TBC1D22A: variants seen among roughly 807,000 people sequenced by gnomAD.
The protein encoded by TBC1D22A is putative GTPase activator.
Under a neutral mutation model 60.2 loss-of-function variants are expected in TBC1D22A, and 38 were observed. The observed-to-expected ratio is 0.63, with a 90% CI of 0.49 to 0.83. The LOEUF (loss-of-function observed/expected upper bound fraction) is 0.83, where lower values mean the gene tolerates loss of function less well. Among genes scored for constraint, TBC1D22A ranks in the 40% least tolerant of loss-of-function variants. The pLI is 0.00. For synonymous variants in TBC1D22A, 302 were observed against 281.7 expected, an observed-to-expected ratio of 1.07 and a Z score of -0.72; for missense variants, 628 against 701.0, an observed-to-expected ratio of 0.90 and a Z score of 1.18.
Position 47,117,259 on chromosome 22 carries a change from C to T in TBC1D22A, c.1425+5656C>T, listed in dbSNP as rs573965563. On this transcript the variant is annotated intron_variant, in intron 12 of 12. Transcript: ENST00000337137. ...GAGGAAGCAGGAAAAATTGTGTCCT[C>T]GGATTTCAAGAAGAAAACACTGGGT... 364 of 164,372 alleles carry T rather than the reference C, an allele frequency of 2.2e-3. 1 individual carries two copies. Among genetic ancestry groups the T allele is most frequent in the African/African-American group, 8.3e-3 (343 of 41,552 alleles). The allele number at this position is 164,372 out of a possible 1,614,324, so 10.2% of individuals were successfully genotyped here. A position where few individuals can be genotyped will look rare whatever the true frequency, so the allele number is the denominator to read the frequency against.
At chr22:46,841,587 C>G (rs1279780198) in intron 4 of TBC1D22A, among the ~76,000 whole-genome samples, 1 of 152,188 alleles carries the variant, frequency 6.6e-6, no homozygotes, top group African/African-American at 2.4e-5. Flanking sequence ...TGGAATTAGC[C>G]AGACCCAGAA....
chr22:47,023,111 A>T lies in TBC1D22A; in HGVS notation c.1202-13960A>T, dbSNP rs1226005235. On this transcript the variant is annotated intron_variant, in intron 10 of 12. Transcript: ENST00000337137. Reference sequence around the variant, plus strand: ...AGGCAGAGTCATTAAAGCAGGTATTATAACTGTATTTCATATGTTAAAAAT... The same window carrying T: ...AGGCAGAGTCATTAAAGCAGGTATTTTAACTGTATTTCATATGTTAAAAAT... Among the ~76,000 whole-genome samples, 5 of 152,238 alleles carry T rather than the reference A, an allele frequency of 3.3e-5. No homozygotes were observed. In the East Asian group the frequency reaches 7.7e-4, roughly 23 times the overall value.
At chr22:46,767,288 C>T (rs2083321477) in intron 1 of TBC1D22A, among the ~76,000 whole-genome samples, 1 of 152,182 alleles carries the variant, frequency 6.6e-6, no homozygotes, top group African/African-American at 2.4e-5. Context: ...CAAGTTACCT[C>T]TGGGGCCATC....
At chr22:46,805,377 G>T (rs76453446) in intron 4 of TBC1D22A, among the ~76,000 whole-genome samples, 6 of 152,210 alleles carry the variant, frequency 3.9e-5, no homozygotes. Flanking sequence ...AAAAGCAGAC[G>T]CAAGGACTTT....
intron 12 of TBC1D22A, among the ~76,000 whole-genome samples, chr22:47,139,005 C>G (rs1371814935): frequency 6.6e-6 from 1 of 152,208 alleles, no homozygotes; most frequent in Non-Finnish European, 1.5e-5. Flanking sequence ...CCAGCCGTAG[C>G]ACGTTATTTG....
chr22:46,841,599 A>T (rs1043076380), intron 4 of TBC1D22A, among the ~76,000 whole-genome samples: 1 of 152,246 alleles, frequency 6.6e-6, no homozygotes, highest in Non-Finnish European at 1.5e-5. Flanking sequence ...GACCCAGAAG[A>T]TATTCATCAT....
At chr22:47,121,950 G>C (rs752016096) in intron 12 of TBC1D22A, among the ~76,000 whole-genome samples, 1 of 152,130 alleles carries the variant, frequency 6.6e-6, no homozygotes, top group Non-Finnish European at 1.5e-5. Context: ...TGTCCCCACC[G>C]CATCCAGCCT....
Position 47,133,999 on chromosome 22 carries a change from C to T in TBC1D22A, c.1425+22396C>T, listed in dbSNP as rs75229691. Among the ~76,000 whole-genome samples the T allele has an allele frequency of 8.6e-3, 1,307 of 152,268 alleles. 17 individuals are homozygous for T. Among genetic ancestry groups the T allele is most frequent in the African/African-American group, 0.03 (1,244 of 41,570 alleles). On this transcript the variant is annotated intron_variant, in intron 12 of 12. Coordinates refer to ENST00000337137, the MANE Select transcript of TBC1D22A (RefSeq NM_014346.5). ...CTTTCTCGTGGGCCTGGAGCAGGTC[C>T]CCTGTGTCCACTCCAGTTATTCCAG...
chr22:46,811,467 A>T (rs931724832), intron 4 of TBC1D22A, among the ~76,000 whole-genome samples: 1 of 152,022 alleles, frequency 6.6e-6, no homozygotes, highest in Non-Finnish European at 1.5e-5. Context: ...ATAGTGGGAG[A>T]TGGGGCAAGC....
chr22:46,817,901 G>A (rs1346453540), intron 4 of TBC1D22A, among the ~76,000 whole-genome samples: 1 of 152,096 alleles, frequency 6.6e-6, no homozygotes, highest in Admixed American at 6.6e-5. Flanking sequence ...CCATTTCTCC[G>A]TAGCCTCACC....
At chr22:47,022,279 G>A (rs1284928524) in intron 10 of TBC1D22A, among the ~76,000 whole-genome samples, 2 of 152,192 alleles carry the variant, frequency 1.3e-5, no homozygotes, top group South Asian at 2.1e-4. Flanking sequence ...AAAAATATGT[G>A]AAACAATGGT....
intron 4 of TBC1D22A, among the ~76,000 whole-genome samples, chr22:46,854,099 G>A (rs1443351988): frequency 6.6e-6 from 1 of 152,158 alleles, no homozygotes; most frequent in Non-Finnish European, 1.5e-5. Flanking sequence ...CTCTTCCTTG[G>A]TTGGGACTCT....
chr22:46,967,110 C>G (rs916979281), intron 8 of TBC1D22A, among the ~76,000 whole-genome samples: 6 of 152,176 alleles, frequency 3.9e-5, no homozygotes, highest in East Asian at 1.9e-4. Flanking sequence ...AGCTTACAGC[C>G]GTGGAGCAGA....
chr22:46,967,917 T>G (rs1036862904), intron 8 of TBC1D22A, among the ~76,000 whole-genome samples: 5 of 151,608 alleles, frequency 3.3e-5, no homozygotes, highest in Non-Finnish European at 7.4e-5. Flanking sequence ...CCCTGGTAAT[T>G]ACAAACTATG....
At chr22:46,940,256 G>T (rs73480760) in intron 8 of TBC1D22A, among the ~76,000 whole-genome samples, 82 of 152,282 alleles carry the variant, frequency 5.4e-4, no homozygotes, top group African/African-American at 1.9e-3. Flanking sequence ...TCGACGGAGG[G>T]TCACTACAGA....
At chr22:46,932,758 C>A (rs1048898436) in intron 8 of TBC1D22A, among the ~76,000 whole-genome samples, 1 of 140,278 alleles carries the variant, frequency 7.1e-6, no homozygotes, top group Non-Finnish European at 1.5e-5. Flanking sequence ...GGAGTCTCGC[C>A]CTGTTGCCCA....
intron 4 of TBC1D22A, among the ~76,000 whole-genome samples, chr22:46,800,020 G>A (rs926552190): frequency 2.6e-5 from 4 of 152,092 alleles, no homozygotes; most frequent in Admixed American, 6.5e-5. Context: ...CCCCTTGCAC[G>A]GCAAGGCAGT....
At chr22:46,841,073 T>TGAGA (rs1555909324) in intron 4 of TBC1D22A, among the ~76,000 whole-genome samples, 7 of 148,568 alleles carry the variant, frequency 4.7e-5, no homozygotes, top group African/African-American at 1.5e-4. Flanking sequence ...TGTGTGTGTG[T>TGAGA]GAGAGAGAGA....
At chr22:46,792,755 GC>G in intron 2 of TBC1D22A, 179 bp downstream of exon 2, 1 of 1,482,318 alleles carries the variant, frequency 6.7e-7, no homozygotes, top group East Asian at 2.5e-5. Flanking sequence ...CCCGTGCTGC[GC>G]ATCCCGGTGA....
Sources: allele counts gnomAD v4.1 joint callset (sites outside exome capture counted in the v4.1 genomes callset), GRCh38; gene constraint gnomAD v4.1.1; transcripts MANE v1.5; gene names NCBI Gene and HGNC (gene_info 2026-07-23, HGNC 2026-07-21).